The following NWD1 variants were observed in gnomAD, a reference collection of about 807,000 sequenced individuals.
The protein encoded by NWD1 is NACHT and WD repeat domain containing 1, also known as NACHT domain- and WD repeat-containing protein 1.
Under a neutral mutation model 135.1 loss-of-function variants are expected in NWD1, and 129 were observed. The ratio of observed to expected loss-of-function variants is 0.96; its 90% CI spans 0.83 to 1.11. The LOEUF (loss-of-function observed/expected upper bound fraction) is 1.11. NWD1 is among the 50% of genes least tolerant of loss of function. The probability of loss-of-function intolerance (pLI) is 0.00; values close to 1 mark genes in which losing one functional copy is unlikely to be tolerated. For synonymous variants in NWD1, 773 were observed against 786.0 expected, an observed-to-expected ratio of 0.98 and a Z score of 0.28; for missense variants, 1,740 against 1,851.3, an observed-to-expected ratio of 0.94 and a Z score of 1.10.
At chr19:16,790,186 A>G (rs1433060694) in intron 13 of NWD1, among the ~76,000 whole-genome samples, 4 of 152,130 alleles carry the variant, frequency 2.6e-5, no homozygotes, top group Non-Finnish European at 5.9e-5. Context: ...AGGAAAAAAA[A>G]TCTTTATTTA....
Position 16,749,698 on chromosome 19 carries a change from C to A in NWD1, c.1056C>A (p.Cys352Ter). The change falls in exon 6 of 19, where the codon TGC becomes TGA. Residue 352 changes from cysteine (C) to a stop codon, truncating the protein, a stop_gained. Transcript: ENST00000524140. LOFTEE classifies it high-confidence loss of function. Reference sequence around the variant, plus strand: ...GCATTGGAAAGACAGCCCTGATGTGCAAGCTGGCTGAGCAGATGCCAAGGC... The same window carrying A: ...GCATTGGAAAGACAGCCCTGATGTGAAAGCTGGCTGAGCAGATGCCAAGGC... ...PPGIGKTALM[C>*]KLAEQMPRLL... The A allele has an allele frequency of 1.2e-6, 2 of 1,601,872 alleles. No homozygotes were observed. The highest frequency in any genetic ancestry group is 8.5e-7 in the Non-Finnish European group (1 of 1,173,072).
chr19:16,762,358 G>A (rs528332104), intron 8 of NWD1, among the ~76,000 whole-genome samples: 142 of 136,640 alleles, frequency 1.0e-3, no homozygotes, highest in Non-Finnish European at 1.7e-3. Context: ...GTGCAATGGC[G>A]TGATCTCAGC....
At chr19:16,757,171 C>G (rs1487667210) in intron 6 of NWD1, among the ~76,000 whole-genome samples, 1 of 152,090 alleles carries the variant, frequency 6.6e-6, no homozygotes, top group Non-Finnish European at 1.5e-5. Context: ...CTACCCTGGT[C>G]CGCGGGAAAA....
intron 5 of NWD1, among the ~76,000 whole-genome samples, chr19:16,745,912 GT>G (rs1248666681): frequency 6.6e-6 from 1 of 152,010 alleles, no homozygotes; most frequent in African/African-American, 2.4e-5. Context: ...GTGAGACCCT[GT>G]CTCTAAATAA....
chr19:16,726,439 C>CT lies in NWD1; in HGVS notation c.-7+1983dup, dbSNP rs915327143. ...GAATTGATTTTAAACTGTTTTCTTT[C>CT]TTTTTTTCTTTTTTCTTTTGAGATG... On this transcript the variant is annotated intron_variant, in intron 2 of 18. Coordinates refer to ENST00000524140, the MANE Select transcript of NWD1 (RefSeq NM_001007525.5). Among the ~76,000 whole-genome samples, 6 of 151,696 alleles carry CT rather than the reference C, an allele frequency of 4.0e-5. No homozygotes were observed. The South Asian group carries it at 1.0e-3, about 26-fold the overall frequency.
At chr19:16,783,323 C>A (rs1243293985) in intron 12 of NWD1, among the ~76,000 whole-genome samples, 1 of 152,136 alleles carries the variant, frequency 6.6e-6, no homozygotes, top group Admixed American at 6.6e-5. Flanking sequence ...GCATAAGCCA[C>A]TGTACCTGTC....
chr19:16,753,418 A>G (rs1348129582), intron 6 of NWD1, among the ~76,000 whole-genome samples: 1 of 152,126 alleles, frequency 6.6e-6, no homozygotes, highest in African/African-American at 2.4e-5. Context: ...AAGGTGGATG[A>G]TTTTGGTTGC....
chr19:16,749,239 C>G lies in NWD1; in HGVS notation c.597C>G (p.Ile199Met). The change falls in exon 6 of 19, where the codon ATC becomes ATG. Residue 199 changes from isoleucine (I) to methionine (M), a missense_variant. Ile to Met is a conservative substitution (Grantham distance 10). Transcript: ENST00000524140. ...AGATCCAAGACCTCCACAAACACAT[C>G]CTTGAAGACTGCGCCCTTAGGATGG... ...LREIQDLHKH[I>M]LEDCALRMVD... The G allele has an allele frequency of 6.2e-7, 1 of 1,614,154 alleles. No individual in the cohort carries two copies. Among genetic ancestry groups the G allele is most frequent in the Non-Finnish European group, 8.5e-7 (1 of 1,180,006 alleles).
At chr19:16,755,925 T>C (rs1968776829) in intron 6 of NWD1, among the ~76,000 whole-genome samples, 1 of 152,154 alleles carries the variant, frequency 6.6e-6, no homozygotes, top group Non-Finnish European at 1.5e-5. Context: ...TCAAAATTGA[T>C]GTATAACTTT....
intron 5 of NWD1, among the ~76,000 whole-genome samples, chr19:16,747,939 G>A (rs1968393245): frequency 6.6e-6 from 1 of 152,114 alleles, no homozygotes; most frequent in Admixed American, 6.6e-5. Context: ...TTGTGTGGAA[G>A]GACCATATTT....
chr19:16,800,474 T>A (rs1314596058), intron 17 of NWD1, among the ~76,000 whole-genome samples: 2 of 152,120 alleles, frequency 1.3e-5, no homozygotes, highest in Non-Finnish European at 2.9e-5. Flanking sequence ...AAGACTGCAG[T>A]GAGCCGGGAT....
chr19:16,785,666 G>T (rs1051128298), intron 12 of NWD1, among the ~76,000 whole-genome samples: 3 of 148,982 alleles, frequency 2.0e-5, no homozygotes, highest in African/African-American at 7.4e-5. Flanking sequence ...CTATATTTTT[G>T]TGTATGTATA....
intron 3 of NWD1, 69 bp downstream of exon 3, chr19:16,731,347 G>GC: frequency 1.0e-6 from 1 of 967,018 alleles, no homozygotes; most frequent in South Asian, 1.4e-5. Flanking sequence ...TTGCTCTGTC[G>GC]CCAGGCTGGA....
At chr19:16,770,553 C>G (rs773839) in intron 10 of NWD1, among the ~76,000 whole-genome samples, 70,584 of 151,896 alleles carry the variant, frequency 0.46, 18,961 homozygotes, top group African/African-American at 0.74. Context: ...CCACCGTGTC[C>G]ATTGAAATCT....
chr19:16,748,660 CA>C (rs34938716), intron 5 of NWD1, among the ~76,000 whole-genome samples: 2 of 151,914 alleles, frequency 1.3e-5, no homozygotes, highest in Non-Finnish European at 2.9e-5. Flanking sequence ...CCCATCTCTA[CA>C]AAAAATACAA....
At chr19:16,721,160 T>G (rs916657504) in intron 1 of NWD1, among the ~76,000 whole-genome samples, 3 of 152,034 alleles carry the variant, frequency 2.0e-5, no homozygotes, top group Non-Finnish European at 4.4e-5. Flanking sequence ...TAGGGATACT[T>G]TTTAATTGTG....
intron 6 of NWD1, among the ~76,000 whole-genome samples, 184 bp downstream of exon 6, chr19:16,750,595 G>A (rs945536350): frequency 2.7e-5 from 4 of 150,414 alleles, no homozygotes; most frequent in African/African-American, 7.4e-5. Context: ...CTGGGACTAC[G>A]GGCATGCACC....
chr19:16,745,116 G>A (rs770798076), intron 5 of NWD1: 14 of 461,946 alleles, frequency 3.0e-5, no homozygotes, highest in Non-Finnish European at 1.3e-5. Context: ...AGGCAAAGGA[G>A]AAGCAAAGAG....
intron 12 of NWD1, among the ~76,000 whole-genome samples, chr19:16,788,307 T>C (rs1440025426): frequency 1.3e-5 from 2 of 148,912 alleles, no homozygotes; most frequent in South Asian, 2.1e-4. Flanking sequence ...TGGTGGCTCA[T>C]GCCTGTAATC....
Sources: gnomAD v4.1 joint callset for allele counts (sites outside exome capture counted in the v4.1 genomes callset) on GRCh38, gnomAD v4.1.1 for gene constraint, MANE v1.5 for transcripts, NCBI Gene and HGNC (gene_info 2026-07-23, HGNC 2026-07-21) for gene names.